The following KDM4C variants were observed in gnomAD, a reference collection of about 807,000 sequenced individuals.
KDM4C encodes lysine-specific demethylase 4C.
In KDM4C, 81 loss-of-function variants were observed where a neutral mutation model predicts 129.3. The observed-to-expected ratio is 0.63, with a 90% confidence interval of 0.52 to 0.75. The LOEUF (loss-of-function observed/expected upper bound fraction) is 0.75, where lower values mean the gene tolerates loss of function less well. Among genes scored for constraint, KDM4C ranks in the 30% least tolerant of loss-of-function variants. KDM4C has a pLI of 0.00. For synonymous variants in KDM4C, 573 were observed against 456.1 expected, an observed-to-expected ratio of 1.26 and a Z score of -3.26; for missense variants, 1,457 against 1,304.0, an observed-to-expected ratio of 1.12 and a Z score of -1.81.
Position 6,863,291 on chromosome 9 carries a change from G to A in KDM4C, c.629+13591G>A, listed in dbSNP as rs1201315567. Among the ~76,000 whole-genome samples the A allele has an allele frequency of 2.6e-5, 4 of 152,208 alleles. No homozygotes were observed. The East Asian group carries it at 7.7e-4, about 29-fold the overall frequency. On this transcript the variant is annotated intron_variant, in intron 5 of 21. Transcript: ENST00000381309. ...TTTTTCTTTGGGGCTTCATACTGGAGTTATGTGTGGATTCCATCTGACTTT... is the reference window on the plus strand; with the variant it reads ...TTTTTCTTTGGGGCTTCATACTGGAATTATGTGTGGATTCCATCTGACTTT...
intron 3 of KDM4C, among the ~76,000 whole-genome samples, chr9:6,813,808 C>G (rs923840558): frequency 2.0e-5 from 3 of 152,090 alleles, no homozygotes; most frequent in Admixed American, 6.6e-5. Context: ...GTTTTTTAAA[C>G]TGTAAATAGG....
At chr9:6,783,638 TCCAGAGAGTGCAGTGACCA>T (rs1175497910) in intron 1 of KDM4C, among the ~76,000 whole-genome samples, 4 of 152,014 alleles carry the variant, frequency 2.6e-5, no homozygotes, top group Non-Finnish European at 5.9e-5. Flanking sequence ...GGAAAGGAGT[TCCAGAGAGTGCAGTGACCA>T]TCAGAGAGTG....
chr9:6,820,182 G>T (rs1832781860), intron 4 of KDM4C, among the ~76,000 whole-genome samples: 1 of 152,168 alleles, frequency 6.6e-6, no homozygotes, highest in Non-Finnish European at 1.5e-5. Flanking sequence ...CAGCCTGCGG[G>T]AGAGGCAGTA....
intron 2 of KDM4C, among the ~76,000 whole-genome samples, chr9:6,795,364 C>T (rs764135744): frequency 6.6e-6 from 1 of 152,222 alleles, no homozygotes; most frequent in East Asian, 1.9e-4. Context: ...GGGAGTCTCG[C>T]TCTGTTGCCC....
intron 1 of KDM4C, among the ~76,000 whole-genome samples, chr9:6,781,052 A>G (rs1434093572): frequency 6.6e-6 from 1 of 151,972 alleles, no homozygotes. Context: ...GTAGCCCCTC[A>G]TGGCATTGTC....
intron 1 of KDM4C, among the ~76,000 whole-genome samples, chr9:6,787,504 A>AT (rs1309519499): frequency 6.6e-6 from 1 of 152,224 alleles, no homozygotes; most frequent in African/African-American, 2.4e-5. Flanking sequence ...AGGTGCTGGG[A>AT]TTACAGGCGT....
intron 19 of KDM4C, among the ~76,000 whole-genome samples, chr9:7,134,296 A>G (rs773697960): frequency 3.3e-5 from 5 of 152,220 alleles, no homozygotes; most frequent in Non-Finnish European, 5.9e-5. Context: ...GAAACCTTTT[A>G]TACATGTAAA....
intron 8 of KDM4C, among the ~76,000 whole-genome samples, chr9:6,894,751 C>T (rs1846589554): frequency 6.6e-6 from 1 of 152,158 alleles, no homozygotes; most frequent in Non-Finnish European, 1.5e-5. Flanking sequence ...GGTAGTGCTC[C>T]TCTCTGAAAT....
chr9:7,081,124 C>G (rs534650803), intron 17 of KDM4C, among the ~76,000 whole-genome samples: 42 of 152,324 alleles, frequency 2.8e-4, no homozygotes, highest in Non-Finnish European at 5.1e-4. Flanking sequence ...GGCTGAGTAA[C>G]TGATCTTCCT....
At chr9:6,861,342 G>A (rs991592386) in intron 5 of KDM4C, among the ~76,000 whole-genome samples, 1 of 152,158 alleles carries the variant, frequency 6.6e-6, no homozygotes, top group African/African-American at 2.4e-5. Context: ...GTATGTCATA[G>A]ATATGTGCAG....
upstream of KDM4C, among the ~76,000 whole-genome samples, chr9:6,756,866 C>G (rs1656289864): frequency 1.3e-5 from 2 of 152,150 alleles, no homozygotes; most frequent in Non-Finnish European, 2.9e-5. Flanking sequence ...AGTTCAAGCG[C>G]GTGGTAAGCG....
At chr9:7,052,911 G>GTTGTACAGTGGGGTGCTTTAC (rs1554718571) in intron 17 of KDM4C, among the ~76,000 whole-genome samples, 1 of 104,414 alleles carries the variant, frequency 9.6e-6, no homozygotes, top group Non-Finnish European at 1.9e-5. Flanking sequence ...GCGAGCGAGT[G>GTTGTACAGTGGGGTGCTTTAC]CCCAAGGGAT....
chr9:7,152,935 A>G (rs912287057), intron 19 of KDM4C, among the ~76,000 whole-genome samples: 2 of 152,188 alleles, frequency 1.3e-5, no homozygotes, highest in African/African-American at 2.4e-5. Context: ...AAATTCTTTA[A>G]ATTAGTTTTA....
intron 15 of KDM4C, among the ~76,000 whole-genome samples, chr9:7,036,045 G>A (rs979689497): frequency 1.3e-5 from 2 of 152,096 alleles, no homozygotes; most frequent in African/African-American, 4.8e-5. Flanking sequence ...TTTTGATAGG[G>A]ATTGCATTGA....
chr9:7,122,267 T>TCACA (rs1564145478), intron 18 of KDM4C, among the ~76,000 whole-genome samples: 1 of 116,494 alleles, frequency 8.6e-6, no homozygotes, highest in South Asian at 2.7e-4. Context: ...ACACACACAC[T>TCACA]CTCTCTCTCT....
chr9:6,986,523 G>T lies in KDM4C; in HGVS notation c.1534G>T (p.Glu512Ter). The change falls in exon 11 of 22, where the codon GAG becomes TAG. Residue 512 changes from glutamate to a stop codon, truncating the protein, a stop_gained. Coordinates refer to ENST00000381309, the MANE Select transcript of KDM4C (RefSeq NM_015061.6). LOFTEE classifies it high-confidence loss of function. ...PSELSWPKSP[E>*]SCSSVAESNG... The stretch of plus-strand genomic sequence containing the variant: ...CGAGCTTTCATGGCCAAAGTCACCT[G>T]AGTCATGCTCATCAGTGGCAGAGAG... 1 of 1,614,146 alleles carries T rather than the reference G, an allele frequency of 6.2e-7. No individual in the cohort carries two copies. Among genetic ancestry groups the T allele is most frequent in the Non-Finnish European group, 8.5e-7 (1 of 1,180,028 alleles).
chr9:6,989,140 A>G (rs1818280607), intron 11 of KDM4C, among the ~76,000 whole-genome samples: 1 of 152,214 alleles, frequency 6.6e-6, no homozygotes, highest in Non-Finnish European at 1.5e-5. Context: ...TAGCTATTAT[A>G]AACATAGATA....
At chr9:6,763,219 C>A (rs888297911) in intron 1 of KDM4C, among the ~76,000 whole-genome samples, 1 of 152,182 alleles carries the variant, frequency 6.6e-6, no homozygotes, top group Non-Finnish European at 1.5e-5. Context: ...CTGTGTGTGA[C>A]TGCCCAGCCA....
intron 8 of KDM4C, among the ~76,000 whole-genome samples, chr9:6,941,001 T>C (rs17596052): frequency 0.26 from 38,854 of 151,938 alleles, 5,568 homozygotes; most frequent in South Asian, 0.44. Flanking sequence ...TTTAGACTGA[T>C]TCCCTCATGC....
Sources: allele counts gnomAD v4.1 joint callset (sites outside exome capture counted in the v4.1 genomes callset), GRCh38; gene constraint gnomAD v4.1.1; transcripts MANE v1.5; gene names NCBI Gene and HGNC (gene_info 2026-07-23, HGNC 2026-07-21).